LINGO2: variants seen among roughly 807,000 people sequenced by gnomAD.
LINGO2 encodes the protein leucine rich repeat and Ig domain containing 2.
In LINGO2, 14 loss-of-function variants were observed where a neutral mutation model predicts 30.6. That is an observed-to-expected ratio of 0.46 (90% CI 0.30 to 0.72). The LOEUF is 0.72. Among genes scored for constraint, LINGO2 ranks in the 30% least tolerant of loss-of-function variants. The pLI, the probability that LINGO2 is intolerant of heterozygous loss-of-function variation, is 0.07. For synonymous variants in LINGO2, 317 were observed against 288.5 expected (o/e 1.10, Z -1.00); for missense variants, 729 against 751.7 (o/e 0.97, Z 0.35).
intron 4 of LINGO2, among the ~76,000 whole-genome samples, chr9:28,288,181 T>A (rs1283048543): frequency 6.6e-6 from 1 of 152,192 alleles, no homozygotes; most frequent in African/African-American, 2.4e-5. Context: ...TAGCTGTGTA[T>A]GTAAAAACAC....
intron 3 of LINGO2, among the ~76,000 whole-genome samples, chr9:28,365,528 A>C (rs544053837): frequency 1.8e-4 from 28 of 152,208 alleles, no homozygotes; most frequent in African/African-American, 6.5e-4. Context: ...ACCTGGAATG[A>C]GGCTCCTGCA....
intron 4 of LINGO2, among the ~76,000 whole-genome samples, chr9:28,040,607 C>T (rs1824158163): frequency 6.6e-6 from 1 of 152,042 alleles, no homozygotes; most frequent in African/African-American, 2.4e-5. Context: ...TGAGCGCTAT[C>T]AACTTCAAAT....
At chr9:28,905,445 T>C in the LINGO2 span, among the ~76,000 whole-genome samples, 1 of 151,490 alleles carries the variant, frequency 6.6e-6, no homozygotes, top group African/African-American at 2.4e-5. Flanking sequence ...AACAACTTAA[T>C]AGCAAGAAAA....
chr9:29,015,806 T>G, the LINGO2 span, among the ~76,000 whole-genome samples: 1 of 152,286 alleles, frequency 6.6e-6, no homozygotes, highest in South Asian at 2.1e-4. Flanking sequence ...ACCATCTACT[T>G]TATTAGAATT....
At chr9:28,387,108 T>A (rs1186732375) in intron 2 of LINGO2, among the ~76,000 whole-genome samples, 1 of 152,100 alleles carries the variant, frequency 6.6e-6, no homozygotes, top group African/African-American at 2.4e-5. Context: ...AACACACCAA[T>A]CAGCACTCTG....
intron 4 of LINGO2, among the ~76,000 whole-genome samples, chr9:28,067,597 C>T (rs1267215832): frequency 6.6e-6 from 1 of 152,006 alleles, no homozygotes; most frequent in Non-Finnish European, 1.5e-5. Flanking sequence ...AAACATGGCA[C>T]ACAGGGTGTG....
At chr9:29,042,689 G>C in the LINGO2 span, among the ~76,000 whole-genome samples, 1 of 151,918 alleles carries the variant, frequency 6.6e-6, no homozygotes, top group Non-Finnish European at 1.5e-5. Flanking sequence ...ACAATGTGCT[G>C]TTTTAATATA....
chr9:28,412,576 C>G (rs1457612665), intron 2 of LINGO2, among the ~76,000 whole-genome samples: 7 of 151,910 alleles, frequency 4.6e-5, no homozygotes, highest in Non-Finnish European at 8.8e-5. Context: ...AGCAAAATAG[C>G]AAGACACAAA....
the LINGO2 span, among the ~76,000 whole-genome samples, chr9:28,866,470 T>C: frequency 6.6e-6 from 1 of 152,090 alleles, no homozygotes; most frequent in Non-Finnish European, 1.5e-5. Context: ...ATTCTGAATC[T>C]GCAATTAGGA....
chr9:29,118,335 G>A, the LINGO2 span, among the ~76,000 whole-genome samples: 1 of 152,104 alleles, frequency 6.6e-6, no homozygotes, highest in Non-Finnish European at 1.5e-5. Context: ...TCAACATTTG[G>A]TGATCATTAA....
intron 4 of LINGO2, among the ~76,000 whole-genome samples, chr9:28,136,108 T>C (rs13296570): frequency 0.3 from 46,014 of 152,028 alleles, 7,016 homozygotes; most frequent in Middle Eastern, 0.34. Flanking sequence ...ACAGACTCCA[T>C]TAAGAGCATT....
intron 5 of LINGO2, among the ~76,000 whole-genome samples, chr9:27,965,370 C>A (rs1820049601): frequency 6.7e-6 from 1 of 150,298 alleles, no homozygotes; most frequent in Non-Finnish European, 1.5e-5. Flanking sequence ...AAATAGATAG[C>A]AACTCTATTT....
intron 4 of LINGO2, among the ~76,000 whole-genome samples, chr9:28,183,737 C>T (rs1334100471): frequency 1.3e-5 from 2 of 152,168 alleles, no homozygotes; most frequent in Non-Finnish European, 2.9e-5. Context: ...AGGAATTATA[C>T]AGGCTACCAT....
In LINGO2 at chr9:28,037,796, C is replaced by CA. The variant is rs536207254; in HGVS notation, c.-86-25392dup. On this transcript the variant is annotated intron_variant, in intron 4 of 5. Coordinates refer to ENST00000379992, the Ensembl canonical transcript of LINGO2. ...GTTGCCTTTAGTTCTAGCAAATTTT[C>CA]ATGCAGTATCTGTAAGACACAACCT... Among the ~76,000 whole-genome samples the CA allele has an allele frequency of 1.7e-3, 263 of 152,332 alleles. 2 individuals carry two copies. The highest frequency in any genetic ancestry group is 6.1e-3 in the African/African-American group (252 of 41,574).
the LINGO2 span, among the ~76,000 whole-genome samples, chr9:28,988,492 C>T: frequency 6.6e-6 from 1 of 152,094 alleles, no homozygotes; most frequent in Non-Finnish European, 1.5e-5. Context: ...TTTGGTCACT[C>T]TATGTCTTTT....
intron 1 of LINGO2, among the ~76,000 whole-genome samples, chr9:28,491,268 G>A (rs1362106171): frequency 6.6e-6 from 1 of 152,156 alleles, no homozygotes; most frequent in African/African-American, 2.4e-5. Flanking sequence ...GTCTCTTGCA[G>A]CTTCTAGAGG....
chr9:29,080,448 G>C, the LINGO2 span, among the ~76,000 whole-genome samples: 5 of 151,484 alleles, frequency 3.3e-5, no homozygotes, highest in African/African-American at 1.2e-4. Context: ...ATCTCCTTCA[G>C]TCTGCTCTGA....
chr9:28,558,283 G>A (rs1822858196), intron 1 of LINGO2, among the ~76,000 whole-genome samples: 2 of 151,698 alleles, frequency 1.3e-5, no homozygotes, highest in African/African-American at 2.4e-5. Context: ...TCTTGAGTAA[G>A]ACATATTCCC....
intron 4 of LINGO2, among the ~76,000 whole-genome samples, chr9:28,172,456 T>C (rs1828630755): frequency 6.6e-6 from 1 of 151,980 alleles, no homozygotes; most frequent in South Asian, 2.1e-4. Context: ...TCTCACTGAA[T>C]CCACCTAAGA....
Sources: gnomAD v4.1 joint callset for allele counts (sites outside exome capture counted in the v4.1 genomes callset) on GRCh38, gnomAD v4.1.1 for gene constraint, MANE v1.5 for transcripts, NCBI Gene and HGNC (gene_info 2026-07-23, HGNC 2026-07-21) for gene names.